TMOD3: variants seen among roughly 807,000 people sequenced by gnomAD.
The protein encoded by TMOD3 is tropomodulin-3.
Under a neutral mutation model 39.2 loss-of-function variants are expected in TMOD3, and 20 were observed. The observed-to-expected ratio is 0.51, with a 90% CI of 0.36 to 0.74. The LOEUF (loss-of-function observed/expected upper bound fraction) is 0.74, where lower values mean the gene tolerates loss of function less well. Ranked by LOEUF, TMOD3 falls within the 30% of genes least tolerant of loss-of-function variation. TMOD3 has a pLI of 0.00. For synonymous variants in TMOD3, 143 were observed against 145.8 expected, an observed-to-expected ratio of 0.98 and a Z score of 0.14; for missense variants, 381 against 412.8, an observed-to-expected ratio of 0.92 and a Z score of 0.67.
At chr15:51,904,444 C>G (rs1258325585) in intron 9 of TMOD3, among the ~76,000 whole-genome samples, 4 of 152,108 alleles carry the variant, frequency 2.6e-5, no homozygotes, top group Non-Finnish European at 5.9e-5. Context: ...AATTTGAACT[C>G]TCTCAAAGTT....
intron 1 of TMOD3, chr15:51,861,244 C>A: frequency 2.4e-6 from 1 of 410,354 alleles, no homozygotes; most frequent in Non-Finnish European, 4.8e-6. Flanking sequence ...TCTAGCTGTT[C>A]CAATTCAGGG....
chr15:51,885,910 C>T (rs957884921), intron 3 of TMOD3, among the ~76,000 whole-genome samples: 16 of 149,196 alleles, frequency 1.1e-4, no homozygotes, highest in Non-Finnish European at 2.1e-4. Flanking sequence ...GGCTGCCGGG[C>T]GGGGGCTGCC....
chr15:51,911,252 G>T lies in TMOD3; in HGVS notation c.*2442G>T, dbSNP rs1191352202. ...TAAGTGGGACTCTACCTAAAATTTT[G>T]CATCATACTTATGGGTAATATCTTT... On this transcript the variant is annotated 3_prime_UTR_variant, in exon 10 of 10. Coordinates refer to ENST00000308580, the MANE Select transcript of TMOD3 (RefSeq NM_014547.5). 2.6e-5 allele frequency: 4 copies of T among 152,166 alleles called. No individual in the cohort carries two copies. In the East Asian group the frequency reaches 7.7e-4, roughly 29 times the overall value. 9.4% of individuals were successfully genotyped at this position (152,166 alleles called of 1,614,324 possible). A position where few individuals can be genotyped will look rare whatever the true frequency, so the allele number is the denominator to read the frequency against.
intron 8 of TMOD3, chr15:51,900,880 T>C (rs543530059): frequency 6.6e-6 from 1 of 152,230 alleles, no homozygotes; most frequent in Non-Finnish European, 1.5e-5. Context: ...AAAATTCATT[T>C]TCTTAAAGTA....
chr15:51,893,961 A>T lies in TMOD3; in HGVS notation c.627+16A>T, dbSNP rs2959285. 4.4e-5 allele frequency: 68 copies of T among 1,541,226 alleles called. No individual in the cohort carries two copies. The highest frequency in any genetic ancestry group is 5.9e-5 in the Non-Finnish European group (67 of 1,136,688). On this transcript the variant is annotated intron_variant, in intron 6 of 9. Coordinates refer to ENST00000308580, the MANE Select transcript of TMOD3 (RefSeq NM_014547.5). ...TAATATAAAGGTAAGTGTGCTAATC[A>T]GAGTGGTTTTGTATTGCTTTGAGTT...
At chr15:51,874,553 A>G (rs2056491947) in intron 3 of TMOD3, among the ~76,000 whole-genome samples, 1 of 152,238 alleles carries the variant, frequency 6.6e-6, no homozygotes, top group African/African-American at 2.4e-5. Flanking sequence ...AGTGCTGATT[A>G]TTAGTTCCCA....
At chr15:51,881,175 T>C (rs2056531398) in intron 3 of TMOD3, among the ~76,000 whole-genome samples, 1 of 152,176 alleles carries the variant, frequency 6.6e-6, no homozygotes, top group Non-Finnish European at 1.5e-5. Flanking sequence ...GCTCAAACAA[T>C]CCTCCTATGT....
chr15:51,877,884 T>C (rs149567218), intron 3 of TMOD3, among the ~76,000 whole-genome samples: 60 of 152,220 alleles, frequency 3.9e-4, no homozygotes, highest in African/African-American at 1.3e-3. Context: ...ACCTCTAAGC[T>C]TTCAGAAGTT....
At chr15:51,871,725 G>A (rs1044945523) in intron 3 of TMOD3, among the ~76,000 whole-genome samples, 4 of 152,112 alleles carry the variant, frequency 2.6e-5, no homozygotes, top group African/African-American at 4.8e-5. Flanking sequence ...TAGAGGTGAG[G>A]AATATGGGTG....
chr15:51,902,842 A>G (rs992602642), intron 9 of TMOD3, among the ~76,000 whole-genome samples: 35 of 151,656 alleles, frequency 2.3e-4, no homozygotes, highest in African/African-American at 8.2e-4. Flanking sequence ...TAGTAGAGAC[A>G]GGGTTTCACC....
intron 1 of TMOD3, among the ~76,000 whole-genome samples, chr15:51,836,812 G>T (rs2056286867): frequency 6.6e-6 from 1 of 151,502 alleles, no homozygotes; most frequent in African/African-American, 2.4e-5. Flanking sequence ...GAGCTATAAA[G>T]ATATCCACTG....
At chr15:51,853,878 T>A (rs772733675) in intron 1 of TMOD3, among the ~76,000 whole-genome samples, 8 of 152,110 alleles carry the variant, frequency 5.3e-5, no homozygotes, top group African/African-American at 1.2e-4. Context: ...CCAGGGAAAT[T>A]TTCAGGGAAG....
intron 3 of TMOD3, among the ~76,000 whole-genome samples, chr15:51,884,929 G>C (rs1426744418): frequency 6.6e-6 from 1 of 152,192 alleles, no homozygotes; most frequent in Non-Finnish European, 1.5e-5. Context: ...CTTTAAGAGT[G>C]GTCTGTGGAT....
Position 51,908,905 on chromosome 15 carries a change from G to T in TMOD3, c.*95G>T. 1 of 1,086,428 alleles carries T rather than the reference G, an allele frequency of 9.2e-7. No individual in the cohort carries two copies. Among genetic ancestry groups the T allele is most frequent in the East Asian group, 2.7e-5 (1 of 37,604 alleles). The allele number at this position is 1,086,428 out of a possible 1,614,324, so 67.3% of individuals were successfully genotyped here. ...AAATTTTCCTGGGTAGAAGGGAAAA[G>T]ACTGGAAAAATTTTTTTAGTGACAT... On this transcript the variant is annotated 3_prime_UTR_variant, in exon 10 of 10. Transcript: ENST00000308580.
chr15:51,895,430 G>A (rs2056615752), intron 6 of TMOD3, among the ~76,000 whole-genome samples: 1 of 152,044 alleles, frequency 6.6e-6, no homozygotes, highest in South Asian at 2.1e-4. Flanking sequence ...ATGTTGGCCA[G>A]GCTGGTTTTG....
intron 1 of TMOD3, among the ~76,000 whole-genome samples, chr15:51,832,420 A>G (rs1323738517): frequency 6.6e-6 from 1 of 151,780 alleles, no homozygotes; most frequent in Non-Finnish European, 1.5e-5. Context: ...TTCACTGGTC[A>G]TCTCTTTCCC....
chr15:51,830,745 T>G (rs918182086), intron 1 of TMOD3, among the ~76,000 whole-genome samples: 7 of 152,180 alleles, frequency 4.6e-5, no homozygotes, highest in Non-Finnish European at 1.0e-4. Flanking sequence ...TGAGAAACCT[T>G]CAGATTAATT....
At position 51,915,450 on chromosome 15, in the gene TMOD3, A is replaced by C. The variant is rs1462821626; in HGVS notation, c.*6640A>C. On this transcript the variant is annotated 3_prime_UTR_variant, in exon 10 of 10. Coordinates refer to ENST00000308580, the MANE Select transcript of TMOD3 (RefSeq NM_014547.5). Reference sequence around the variant, plus strand: ...AAAGCTTGAAAATTACCTTTCTAACAATCATTTGAATGTCATTCATTGTCA... The same window carrying C: ...AAAGCTTGAAAATTACCTTTCTAACCATCATTTGAATGTCATTCATTGTCA... 3.9e-5 allele frequency: 6 copies of C among 152,268 alleles called. No homozygotes were observed. Among genetic ancestry groups the C allele is most frequent in the Admixed American group, 2.6e-4 (4 of 15,298 alleles). 9.4% of individuals were successfully genotyped at this position (152,268 alleles called of 1,614,324 possible). A position where few individuals can be genotyped will look rare whatever the true frequency, so the allele number is the denominator to read the frequency against.
At chr15:51,865,383 A>G (rs983666416) in intron 2 of TMOD3, among the ~76,000 whole-genome samples, 1 of 152,178 alleles carries the variant, frequency 6.6e-6, no homozygotes, top group African/African-American at 2.4e-5. Flanking sequence ...CAATTAGGGA[A>G]AGAGCTGGGA....
Sources: allele counts gnomAD v4.1 joint callset (sites outside exome capture counted in the v4.1 genomes callset), GRCh38; gene constraint gnomAD v4.1.1; transcripts MANE v1.5; gene names NCBI Gene and HGNC (gene_info 2026-07-23, HGNC 2026-07-21).